ANKS1B: variants seen among roughly 807,000 people sequenced by gnomAD.
The protein encoded by ANKS1B is ankyrin repeat and sterile alpha motif domain containing 1B.
Under a neutral mutation model 148.3 loss-of-function variants are expected in ANKS1B, and 36 were observed. The ratio of observed to expected loss-of-function variants is 0.24; its 90% CI spans 0.19 to 0.32. ANKS1B has a LOEUF of 0.32. Ranked by LOEUF, ANKS1B falls within the 10% of genes least tolerant of loss-of-function variation. The pLI is 1.00. For synonymous variants in ANKS1B, 542 were observed against 560.8 expected (o/e 0.97, Z 0.47); for missense variants, 1,157 against 1,542.6 (o/e 0.75, Z 4.19).
At chr12:99,161,646 A>G (rs2153830457) in intron 14 of ANKS1B, among the ~76,000 whole-genome samples, 1 of 152,368 alleles carries the variant, frequency 6.6e-6, no homozygotes, top group South Asian at 2.1e-4. Context: ...GCTAGTTTTA[A>G]AGAAACAGAG....
intron 9 of ANKS1B, chr12:99,648,455 T>G: frequency 6.2e-7 from 1 of 1,614,188 alleles, no homozygotes; most frequent in South Asian, 1.1e-5. Flanking sequence ...CCAGCTGCTG[T>G]CTGTGACAAT....
chr12:99,340,872 C>T (rs1187229148), intron 12 of ANKS1B, among the ~76,000 whole-genome samples: 1 of 152,008 alleles, frequency 6.6e-6, no homozygotes, highest in African/African-American at 2.4e-5. Context: ...TAATAAAATA[C>T]AGATAAGCAT....
At chr12:99,088,848 T>TTTTG (rs1555230502) in intron 15 of ANKS1B, among the ~76,000 whole-genome samples, 2 of 138,054 alleles carry the variant, frequency 1.4e-5, no homozygotes, top group Non-Finnish European at 3.1e-5. Flanking sequence ...GTTTTTTTTT[T>TTTTG]TTTTTTTTTT....
chr12:99,906,019 T>C (rs192174664), intron 1 of ANKS1B, among the ~76,000 whole-genome samples: 2 of 152,286 alleles, frequency 1.3e-5, no homozygotes, highest in Non-Finnish European at 2.9e-5. Flanking sequence ...GTTATTTGGT[T>C]TCAGGGATAT....
chr12:99,797,813 C>G (rs11834719), intron 4 of ANKS1B, among the ~76,000 whole-genome samples: 2,001 of 151,984 alleles, frequency 0.013, 51 homozygotes, highest in African/African-American at 0.046. Flanking sequence ...TAAAGTCAAG[C>G]CTTGGTAGCA....
chr12:98,933,104 T>C (rs1007955267), intron 17 of ANKS1B, among the ~76,000 whole-genome samples: 8 of 152,302 alleles, frequency 5.3e-5, no homozygotes, highest in East Asian at 3.9e-4. Flanking sequence ...TGAAACTTTA[T>C]GGCTGTTGAT....
intron 1 of ANKS1B, among the ~76,000 whole-genome samples, chr12:99,839,463 A>G (rs1230743119): frequency 1.3e-5 from 2 of 152,168 alleles, no homozygotes; most frequent in African/African-American, 2.4e-5. Context: ...GTATTGTGAG[A>G]AGATTAAAGA....
intron 14 of ANKS1B, among the ~76,000 whole-genome samples, chr12:99,165,647 C>T (rs889547424): frequency 3.3e-5 from 5 of 151,710 alleles, no homozygotes; most frequent in East Asian, 3.9e-4. Context: ...TTATACAAAA[C>T]AAAACAAAAC....
chr12:99,672,667 C>T lies in ANKS1B; in HGVS notation c.1129-17457G>A, dbSNP rs140190238. ...TTCAGTGGACAGCACCTACAGAAAC[C>T]TTCTCCAGTAAGGTGTGAATCCCAA... is the stretch of plus-strand genomic sequence containing the variant. On this transcript the variant is annotated intron_variant, in intron 8 of 26. Coordinates refer to ENST00000683438, the MANE Select transcript of ANKS1B (RefSeq NM_001352186.2). Among the ~76,000 whole-genome samples the T allele has an allele frequency of 6.2e-3, 949 of 152,250 alleles. 5 individuals carry two copies. The highest frequency in any genetic ancestry group is 0.02 in the South Asian group (95 of 4,828).
At chr12:99,558,214 A>C (rs1372569489) in intron 9 of ANKS1B, among the ~76,000 whole-genome samples, 1 of 152,068 alleles carries the variant, frequency 6.6e-6, no homozygotes, top group East Asian at 1.9e-4. Flanking sequence ...ATGCATGCTC[A>C]CATTGGTGAC....
At chr12:99,014,948 A>G (rs1784720256) in intron 17 of ANKS1B, among the ~76,000 whole-genome samples, 1 of 152,252 alleles carries the variant, frequency 6.6e-6, no homozygotes, top group South Asian at 2.1e-4. Context: ...CCATTGTGGA[A>G]GACACTGTGG....
At chr12:98,970,107 A>G (rs2099881907) in intron 17 of ANKS1B, among the ~76,000 whole-genome samples, 1 of 152,100 alleles carries the variant, frequency 6.6e-6, no homozygotes, top group South Asian at 2.1e-4. Context: ...TGTTTCTCTA[A>G]TGGAGTTTTG....
At chr12:99,957,393 C>T (rs140247011) in intron 1 of ANKS1B, among the ~76,000 whole-genome samples, 47 of 152,292 alleles carry the variant, frequency 3.1e-4, no homozygotes, top group African/African-American at 9.6e-4. Context: ...ACTAAGAGCA[C>T]GAGCTTACCA....
At chr12:99,353,066 C>T (rs376012101) in intron 12 of ANKS1B, among the ~76,000 whole-genome samples, 51 of 152,114 alleles carry the variant, frequency 3.4e-4, no homozygotes, top group African/African-American at 1.1e-3. Context: ...ATCACATTAG[C>T]CCAAGCCCCG....
chr12:99,360,475 T>G (rs7972376), intron 12 of ANKS1B, among the ~76,000 whole-genome samples: 19,221 of 152,096 alleles, frequency 0.13, 1,284 homozygotes, highest in African/African-American at 0.17. Context: ...CCCTCCCTCA[T>G]CACAGCTTCT....
intron 9 of ANKS1B, among the ~76,000 whole-genome samples, chr12:99,534,837 G>A (rs1253660774): frequency 1.3e-5 from 2 of 151,006 alleles, no homozygotes; most frequent in Non-Finnish European, 2.9e-5. Context: ...AGCCTCCCGA[G>A]TAGCTGGGAC....
At chr12:98,874,730 G>A (rs2099683439) in intron 17 of ANKS1B, among the ~76,000 whole-genome samples, 1 of 152,050 alleles carries the variant, frequency 6.6e-6, no homozygotes, top group African/African-American at 2.4e-5. Flanking sequence ...GTTTAGAAAA[G>A]TAAATATATT....
chr12:99,730,834 T>G (rs1416188146), intron 8 of ANKS1B, among the ~76,000 whole-genome samples: 1 of 152,202 alleles, frequency 6.6e-6, no homozygotes, highest in Admixed American at 6.5e-5. Context: ...AATAAACGTT[T>G]CTTCATCTAC....
chr12:98,789,419 G>A (rs75659564), intron 22 of ANKS1B, among the ~76,000 whole-genome samples: 11 of 147,276 alleles, frequency 7.5e-5, no homozygotes, highest in African/African-American at 2.7e-4. Context: ...AAGATGTATA[G>A]TTTTTTTTTT....
Sources: gnomAD v4.1 joint callset for allele counts (sites outside exome capture counted in the v4.1 genomes callset) on GRCh38, gnomAD v4.1.1 for gene constraint, MANE v1.5 for transcripts, NCBI Gene and HGNC (gene_info 2026-07-23, HGNC 2026-07-21) for gene names.